Variants in CRIP3 observed in about 807,000 individuals in gnomAD.
CRIP3 encodes the protein cysteine rich protein 3.
A neutral mutation model predicts 30.3 loss-of-function variants in CRIP3; 23 were observed. The ratio of observed to expected loss-of-function variants is 0.76; its 90% CI spans 0.55 to 1.08. The LOEUF is 1.08. Among genes scored for constraint, CRIP3 ranks in the 50% least tolerant of loss-of-function variants. The probability of loss-of-function intolerance (pLI) is 0.00; values close to 1 mark genes in which losing one functional copy is unlikely to be tolerated. For missense variants in CRIP3, 261 were observed against 259.3 expected (o/e 1.01, Z -0.04); for synonymous variants, 89 against 97.6 (o/e 0.91, Z 0.52).
Position 43,307,728 on chromosome 6 carries a change from C to T in CRIP3, c.212G>A (p.Gly71Asp). The part of the protein sequence containing the change: ...LFGPRGVNIG[G>D]VGSYLYNPPT... ...GGGATTGTACAAGTAGGAGCCTACA[C>T]CACCAATGTTCACCCCTGAAGAGAG... Residue 71 changes from glycine (G) to aspartate (D), a missense_variant, in exon 4 of 8, where the codon GGT (glycine) becomes GAT (aspartate). By Grantham distance (94) the Gly-to-Asp change is moderately conservative. Transcript: ENST00000372569. The T allele has an allele frequency of 1.3e-6, 2 of 1,584,228 alleles. No individual in the cohort carries two copies. The highest frequency in any genetic ancestry group is 1.1e-5 in the South Asian group (1 of 88,874).
chr6:43,307,856 GC>G lies in CRIP3; in HGVS notation c.178del (p.Ala60LeufsTer8), dbSNP rs750025283. 6.2e-7 allele frequency: 1 copy of G among 1,614,034 alleles called. No homozygotes were observed. The highest frequency in any genetic ancestry group is 1.3e-5 in the African/African-American group (1 of 75,054). ...GTACTTACCCCTGGGTCCAAAGAGA[GC>G]CCCATAGCATGGCTTGTGGCAGTAT... ...RPYCHKPCYG[A>X]LFGPRGVNIG... On this transcript the variant is annotated frameshift_variant, in exon 3 of 8. Transcript: ENST00000372569. LOFTEE classifies it high-confidence loss of function.
At position 43,305,641 on chromosome 6, in the gene CRIP3, A is replaced by G. The variant is rs549893309; in HGVS notation, c.*173T>C. The G allele has an allele frequency of 8.8e-6, 7 of 796,832 alleles. No homozygotes were observed. The highest frequency in any genetic ancestry group is 8.7e-5 in the African/African-American group (5 of 57,496). The allele number at this position is 796,832 out of a possible 1,614,324, so 49.4% of individuals were successfully genotyped here. ...CTAACCAGATAGAAATGGGAAAGGG[A>G]AAAAATTGGCAGAGAAAGTCTAGAC... On this transcript the variant is annotated 3_prime_UTR_variant, in exon 8 of 8. Coordinates refer to ENST00000372569, the MANE Select transcript of CRIP3 (RefSeq NM_206922.3).
Position 43,307,692 on chromosome 6 carries a change from C to A in CRIP3, c.248G>T (p.Ser83Ile). The A allele has an allele frequency of 6.5e-7, 1 of 1,542,682 alleles. No individual in the cohort carries two copies. Among genetic ancestry groups the A allele is most frequent in the Non-Finnish European group, 8.8e-7 (1 of 1,140,314 alleles). ...GSYLYNPPTP[S>I]PGCTTPLSPS... is the part of the protein sequence containing the mutation. The stretch of plus-strand genomic sequence containing the variant: ...GCTGAGAGGAGTGGTGCAGCCAGGG[C>A]TGGGAGTGGGGGGATTGTACAAGTA... Residue 83 changes from serine (S) to isoleucine (I), a missense_variant, in exon 4 of 8, where the codon AGC (serine) becomes ATC (isoleucine). By Grantham distance (142) the Ser-to-Ile change is moderately radical. Transcript: ENST00000372569.
rs938442215 is a variant in CRIP3, at chr6:43,308,678, C to T, written c.43+72G>A. 1.7e-5 allele frequency: 27 copies of T among 1,580,196 alleles called. No homozygotes were observed. The African/African-American group carries it at 3.1e-4, about 18-fold the overall frequency. ...TGTCTGGGACTACACTGTGGCTAGC[C>T]CTCCGCGTCCTCAGGGAATCCAGCG... On this transcript the variant is annotated intron_variant, in intron 1 of 7. Transcript: ENST00000372569.
chr6:43,308,253 T>A (rs1778987621), intron 2 of CRIP3, 62 bp downstream of exon 2: 1 of 1,408,304 alleles, frequency 7.1e-7, no homozygotes, highest in South Asian at 1.3e-5. Context: ...AGTTGGGGGC[T>A]GGTGCCTGGG....
chr6:43,308,698 C>T (rs929471401), intron 1 of CRIP3, 52 bp downstream of exon 1: 3 of 1,610,082 alleles, frequency 1.9e-6, no homozygotes, highest in Non-Finnish European at 2.5e-6. Context: ...CTCAGGGAAT[C>T]CAGCGGCTCC....
At chr6:43,308,194 GC>G (rs1778986410) in intron 2 of CRIP3, 120 bp downstream of exon 2, 1 of 888,664 alleles carries the variant, frequency 1.1e-6, no homozygotes, top group Non-Finnish European at 1.7e-6. Context: ...CAGGTGGGCG[GC>G]CTTGGGGTTG....
At position 43,306,470 on chromosome 6, in the gene CRIP3, C is replaced by A. The variant is rs753487236; in HGVS notation, c.376G>T (p.Gly126Cys). 60 of 1,613,296 alleles carry A rather than the reference C, an allele frequency of 3.7e-5. No homozygotes were observed. In the Admixed American group the frequency reaches 9.7e-4, roughly 26 times the overall value. The change falls in exon 5 of 8, where the codon GGC (glycine) becomes TGC (cysteine). Residue 126 changes from glycine to cysteine, a missense_variant. Transcript: ENST00000372569. ...TFTGETSLCP[G>C]CGEPVYFAEK... ...CCAAAATAGACGGGCTCCCCACAGC[C>A]AGGGCACAGCGAGGTCTCCCCAGTG...
Position 43,305,842 on chromosome 6 carries a change from T to A in CRIP3, c.587A>T (p.Tyr196Phe), listed in dbSNP as rs780142848. The A allele has an allele frequency of 3.5e-5, 57 of 1,614,030 alleles. No individual in the cohort carries two copies. The South Asian group carries it at 6.3e-4, about 18-fold the overall frequency. The change falls in exon 8 of 8, where the codon TAT becomes TTT. Residue 196 changes from tyrosine to phenylalanine, a missense_variant. Tyr to Phe is a conservative substitution (Grantham distance 22). Transcript: ENST00000372569. Reference sequence around the variant, plus strand: ...TTTGAATTTTATCTTCACTGGGTCATAGATGTAGCAGCCCACATCGCCAAT... The same window carrying A: ...TTTGAATTTTATCTTCACTGGGTCAAAGATGTAGCAGCCCACATCGCCAAT... ...VNIGDVGCYI[Y>F]DPVKIKFK
In CRIP3 at chr6:43,307,527, T is replaced by C. The variant is rs566044242; in HGVS notation, c.328+85A>G. The C allele has an allele frequency of 6.3e-4, 803 of 1,271,768 alleles. 2 individuals carry two copies. In the African/African-American group the frequency reaches 9.0e-3, roughly 14 times the overall value. 78.8% of individuals were successfully genotyped at this position (1,271,768 alleles called of 1,614,324 possible). On this transcript the variant is annotated intron_variant, in intron 4 of 7. Transcript: ENST00000372569. ...TGAGAATGTGAAGCAGAGGGCTGGA[T>C]AGGAGACTGCCACCTGGCCCAACCT... is the stretch of plus-strand genomic sequence containing the variant.
chr6:43,305,699 C>A lies in CRIP3; in HGVS notation c.*115G>T. On this transcript the variant is annotated 3_prime_UTR_variant, in exon 8 of 8. Coordinates refer to ENST00000372569, the MANE Select transcript of CRIP3 (RefSeq NM_206922.3). Reference sequence around the variant, plus strand: ...CCTACCATGGAGCCTAGGCCCAGGCCCCCAAGATCCCACCTTCCCCAACCC... The same window carrying A: ...CCTACCATGGAGCCTAGGCCCAGGCACCCAAGATCCCACCTTCCCCAACCC... 7.5e-7 allele frequency: 1 copy of A among 1,330,554 alleles called. No homozygotes were observed. The highest frequency in any genetic ancestry group is 1.8e-5 in the Admixed American group (1 of 56,842). 82.4% of individuals were successfully genotyped at this position (1,330,554 alleles called of 1,614,324 possible).
chr6:43,307,951 A>G lies in CRIP3; in HGVS notation c.139-55T>C. On this transcript the variant is annotated intron_variant, in intron 2 of 7. Coordinates refer to ENST00000372569, the MANE Select transcript of CRIP3 (RefSeq NM_206922.3). Reference sequence around the variant, plus strand: ...TCAAGGCCAGCGGGAGCCATGCCCCACAGGCCTTCACCCCAGACAGGCTGC... The same window carrying G: ...TCAAGGCCAGCGGGAGCCATGCCCCGCAGGCCTTCACCCCAGACAGGCTGC... 3 of 1,586,868 alleles carry G rather than the reference A, an allele frequency of 1.9e-6. No homozygotes were observed. In the Admixed American group the frequency reaches 5.1e-5, roughly 27 times the overall value.
intron 1 of CRIP3, 57 bp downstream of exon 1, chr6:43,308,693 G>C: frequency 6.2e-7 from 1 of 1,605,424 alleles, no homozygotes; most frequent in Non-Finnish European, 8.5e-7. Flanking sequence ...GCGTCCTCAG[G>C]GAATCCAGCG....
At position 43,308,321 on chromosome 6, in the gene CRIP3, A is replaced by G. The variant is rs1582563858; in HGVS notation, c.132T>C (p.His44=). The change falls in exon 2 of 8, where the codon CAT becomes CAC. Residue 44 remains histidine, a synonymous_variant. Transcript: ENST00000372569. ...CTCCCTGGCCAGGTCTTACCTCTGC[A>G]TGCCCGCCAGGGGACAGGATGCTGT... ...RCHSILSPGG[H]AEHNGRPYCH... The G allele has an allele frequency of 6.2e-7, 1 of 1,612,324 alleles. No homozygotes were observed. Among genetic ancestry groups the G allele is most frequent in the East Asian group, 2.2e-5 (1 of 44,808 alleles).
In CRIP3 at chr6:43,306,535, C is replaced by T. The variant is rs1164474409; in HGVS notation, c.329-18G>A. ...GGGAGGGCCTTTAAAGGGGAAGAGGCCCTGGCTATGTCTGAGGTGGAGATG... is the reference window on the plus strand; with the variant it reads ...GGGAGGGCCTTTAAAGGGGAAGAGGTCCTGGCTATGTCTGAGGTGGAGATG... On this transcript the variant is annotated intron_variant, in intron 4 of 7. Transcript: ENST00000372569. 39 of 1,583,956 alleles carry T rather than the reference C, an allele frequency of 2.5e-5. No homozygotes were observed. The highest frequency in any genetic ancestry group is 3.3e-5 in the Non-Finnish European group (39 of 1,164,686).
chr6:43,307,563 T>C (rs774898490), intron 4 of CRIP3, 49 bp downstream of exon 4: 38 of 1,378,076 alleles, frequency 2.8e-5, no homozygotes, highest in Non-Finnish European at 3.5e-5. Flanking sequence ...CCGCTCCAGC[T>C]TGGGGAAGGG....
Position 43,305,637 on chromosome 6 carries a change from A to G in CRIP3, c.*177T>C. ...TTCCCTAACCAGATAGAAATGGGAA[A>G]GGGAAAAAATTGGCAGAGAAAGTCT... On this transcript the variant is annotated 3_prime_UTR_variant, in exon 8 of 8. Transcript: ENST00000372569. The G allele has an allele frequency of 1.3e-6, 1 of 766,722 alleles. No homozygotes were observed. The highest frequency in any genetic ancestry group is 2.2e-6 in the Non-Finnish European group (1 of 464,968). The allele number at this position is 766,722 out of a possible 1,614,324, so 47.5% of individuals were successfully genotyped here. A position where few individuals can be genotyped will look rare whatever the true frequency, so the allele number is the denominator to read the frequency against.
intron 6 of CRIP3, 22 bp from the exon 7 acceptor site, chr6:43,306,146 A>C (rs1428014394): frequency 6.2e-7 from 1 of 1,613,928 alleles, no homozygotes; most frequent in Non-Finnish European, 8.5e-7. Flanking sequence ...AGAGAAAGAG[A>C]GCTGTCTCAG....
In CRIP3 at chr6:43,308,767, TG is replaced by T. The variant is rs777825851; in HGVS notation, c.25del (p.Gln9SerfsTer10). 3.7e-6 allele frequency: 6 copies of T among 1,613,926 alleles called. No individual in the cohort carries two copies. In the South Asian group the frequency reaches 5.5e-5, roughly 15 times the overall value. MSWTCPRCQQPVFFAEKVS... is the reference protein window; with the variant it reads MSWTCPRCXQPVFFAEKVS... ...GGCCTCACCGAAGAAAACAGGTTGC[TG>T]GCAACGCGGACAGGTCCAGCTCATA... On this transcript the variant is annotated frameshift_variant, in exon 1 of 8. Transcript: ENST00000372569. LOFTEE classifies it high-confidence loss of function.
Sources: gnomAD v4.1 joint callset for allele counts on GRCh38, gnomAD v4.1.1 for gene constraint, MANE v1.5 for transcripts, NCBI Gene and HGNC (gene_info 2026-07-23, HGNC 2026-07-21) for gene names.